The following SOS1 variants were observed in gnomAD, a reference collection of about 807,000 sequenced individuals.
SOS1 encodes the protein son of sevenless homolog 1.
Under a neutral mutation model 157.6 loss-of-function variants are expected in SOS1, and 25 were observed. That is an observed-to-expected ratio of 0.16 (90% CI 0.12 to 0.22). SOS1 has a LOEUF of 0.22. Among genes scored for constraint, SOS1 ranks in the 10% least tolerant of loss-of-function variants. SOS1 has a pLI of 1.00. For synonymous variants in SOS1, 528 were observed against 534.0 expected (o/e 0.99, Z 0.16); for missense variants, 1,237 against 1,599.1 (o/e 0.77, Z 3.86).
Position 39,006,438 on chromosome 2 carries a change from A to T in SOS1, c.2765T>A (p.Ile922Asn). 6.4e-7 allele frequency: 1 copy of T among 1,561,972 alleles called. No homozygotes were observed. Among genetic ancestry groups the T allele is most frequent in the Non-Finnish European group, 8.8e-7 (1 of 1,132,798 alleles). ...YKKYLAKLRS[I>N]NPPCVPFFGI... is the part of the protein sequence containing the mutation. The stretch of plus-strand genomic sequence containing the variant: ...AAAGAAAGGCACACATGGTGGATTA[A>T]TAGACCTGAGTTTTGCCAAATATTT... The change falls in exon 17 of 23, where the codon ATT (isoleucine) becomes AAT (asparagine). Residue 922 changes from isoleucine to asparagine, a missense_variant. This residue lies in a region of SOS1 where 105 missense variants were observed against 236.0 expected (regional missense o/e 0.44). Coordinates refer to ENST00000402219, the MANE Select transcript of SOS1 (RefSeq NM_005633.4).
rs184503031 is a variant in SOS1 at position 39,060,166 on chromosome 2, T to C, written c.214-1362A>G. 6.1e-3 allele frequency among the ~76,000 whole-genome samples: 932 copies of C among 152,334 alleles called. 7 individuals are homozygous for C. Among genetic ancestry groups the C allele is most frequent in the Admixed American group, 0.011 (168 of 15,302 alleles). On this transcript the variant is annotated intron_variant, in intron 2 of 22. Transcript: ENST00000402219. The stretch of plus-strand genomic sequence containing the variant: ...ACAAGATATTTAGGACTAACTTACG[T>C]GGTTTTCAGTTAAAATGTTTATAGT...
chr2:39,028,817 C>A (rs1275200196), intron 8 of SOS1, among the ~76,000 whole-genome samples: 2 of 152,116 alleles, frequency 1.3e-5, no homozygotes, highest in African/African-American at 4.8e-5. Flanking sequence ...ATACATAGAG[C>A]TCATCACAAC....
At chr2:39,050,369 A>G (rs1017963845) in intron 6 of SOS1, among the ~76,000 whole-genome samples, 2 of 152,144 alleles carry the variant, frequency 1.3e-5, no homozygotes, top group Non-Finnish European at 2.9e-5. Context: ...TTATTGTCCT[A>G]TTTACCTCAT....
Position 39,013,823 on chromosome 2 carries a change from A to T in SOS1, c.2063+44T>A, listed in dbSNP as rs111576630. Reference sequence around the variant, plus strand: ...CCTTATATACTTCAACATTGAAACGAAAGTTTGATAAAGACTTATTTACTT... The same window carrying T: ...CCTTATATACTTCAACATTGAAACGTAAGTTTGATAAAGACTTATTTACTT... On this transcript the variant is annotated intron_variant, in intron 12 of 22. Transcript: ENST00000402219. The T allele has an allele frequency of 4.3e-4, 669 of 1,571,902 alleles. 6 individuals are homozygous for T. In the South Asian group the frequency reaches 7.1e-3, roughly 17 times the overall value.
chr2:39,106,590 C>CAAAA (rs775720230), intron 1 of SOS1, among the ~76,000 whole-genome samples: 341 of 31,208 alleles, frequency 0.011, 20 homozygotes, highest in African/African-American at 0.029. Flanking sequence ...GACTCCGTCT[C>CAAAA]AAAAAAAAAA....
chr2:39,012,661 A>G (rs1669503943), intron 13 of SOS1, among the ~76,000 whole-genome samples: 1 of 152,140 alleles, frequency 6.6e-6, no homozygotes, highest in African/African-American at 2.4e-5. Context: ...AGTTTAATGT[A>G]TTATTTTATA....
intron 17 of SOS1, among the ~76,000 whole-genome samples, chr2:39,003,066 C>CAAAAAAACAACA (rs1553352638): frequency 9.7e-5 from 7 of 72,314 alleles, no homozygotes; most frequent in Non-Finnish European, 9.9e-5. Context: ...GACCTTGTAT[C>CAAAAAAACAACA]AAAAAAAAAA....
chr2:39,011,014 G>C (rs1185205078), intron 14 of SOS1, among the ~76,000 whole-genome samples: 1 of 150,910 alleles, frequency 6.6e-6, no homozygotes, highest in African/African-American at 2.4e-5. Flanking sequence ...TCCTGCCTGA[G>C]CCTCTTGGGT....
intron 1 of SOS1, among the ~76,000 whole-genome samples, chr2:39,096,884 T>C (rs929087180): frequency 6.8e-6 from 1 of 147,014 alleles, no homozygotes; most frequent in Non-Finnish European, 1.5e-5. Flanking sequence ...AGACTCCATC[T>C]CAAAAAAAAA....
intron 1 of SOS1, 46 bp downstream of exon 1, chr2:39,120,290 C>G (rs1251311747): frequency 1.3e-6 from 2 of 1,518,492 alleles, no homozygotes; most frequent in East Asian, 2.5e-5. Context: ...CCAGCGCCCG[C>G]GCTGGGGGGC....
chr2:39,068,687 T>A (rs1671675809), intron 1 of SOS1, among the ~76,000 whole-genome samples: 1 of 151,162 alleles, frequency 6.6e-6, no homozygotes, highest in South Asian at 2.1e-4. Context: ...CTCAACCATT[T>A]CTTTAATTTT....
chr2:39,067,578 C>T, intron 2 of SOS1, 50 bp downstream of exon 2: 1 of 1,556,108 alleles, frequency 6.4e-7, no homozygotes, highest in South Asian at 1.1e-5. Flanking sequence ...GACATTACAA[C>T]CAACACACAA....
At chr2:39,116,582 A>T (rs943777598) in intron 1 of SOS1, among the ~76,000 whole-genome samples, 2 of 152,202 alleles carry the variant, frequency 1.3e-5, no homozygotes, top group African/African-American at 4.8e-5. Context: ...CCTACTTAAA[A>T]CTTATTGGCT....
At chr2:39,075,107 G>T (rs1298023135) in intron 1 of SOS1, among the ~76,000 whole-genome samples, 1 of 152,124 alleles carries the variant, frequency 6.6e-6, no homozygotes, top group Non-Finnish European at 1.5e-5. Context: ...TGAAGGATGG[G>T]TTAACAGAGA....
intron 1 of SOS1, among the ~76,000 whole-genome samples, chr2:39,107,081 CT>C (rs148975727): frequency 0.028 from 4,197 of 148,712 alleles, 183 homozygotes; most frequent in African/African-American, 0.09. Context: ...TTAAGGCATC[CT>C]TTTTTTTTTC....
intron 1 of SOS1, among the ~76,000 whole-genome samples, chr2:39,069,038 G>T (rs1034570671): frequency 2.0e-5 from 3 of 151,822 alleles, no homozygotes; most frequent in African/African-American, 7.3e-5. Context: ...TCAGTGTACA[G>T]GGAAAATTTT....
At chr2:39,054,980 G>C (rs1165267051) in intron 4 of SOS1, among the ~76,000 whole-genome samples, 157 bp from the exon 5 acceptor site, 1 of 152,128 alleles carries the variant, frequency 6.6e-6, no homozygotes, top group Non-Finnish European at 1.5e-5. Context: ...TCCCTCCACA[G>C]CTTCTCTAAA....
intron 12 of SOS1, 42 bp from the exon 13 acceptor site, chr2:39,013,605 A>C: frequency 1.6e-6 from 2 of 1,251,176 alleles, no homozygotes; most frequent in Non-Finnish European, 2.4e-6. Flanking sequence ...GGAATCAAAC[A>C]TAAATGTTTA....
chr2:39,028,611 CTT>C (rs1670052130), intron 8 of SOS1, among the ~76,000 whole-genome samples: 1 of 152,154 alleles, frequency 6.6e-6, no homozygotes, highest in African/African-American at 2.4e-5. Flanking sequence ...AGTCCCGTGA[CTT>C]TTCACTATAA....
Sources: gnomAD v4.1 joint callset for allele counts (sites outside exome capture counted in the v4.1 genomes callset) on GRCh38, gnomAD v4.1.1 for gene constraint, gnomAD v4.1.1 regional missense constraint, MANE v1.5 for transcripts, NCBI Gene and HGNC (gene_info 2026-07-23, HGNC 2026-07-21) for gene names.